The following FILIP1L variants were observed in gnomAD, a reference collection of about 807,000 sequenced individuals.
FILIP1L encodes filamin A interacting protein 1 like.
FILIP1L carries 55 observed loss-of-function variants against 96.6 expected under a neutral mutation model. The ratio of observed to expected loss-of-function variants is 0.57; its 90% CI spans 0.46 to 0.71. The LOEUF (loss-of-function observed/expected upper bound fraction) is 0.71. Ranked by LOEUF, FILIP1L falls within the 30% of genes least tolerant of loss-of-function variation. The pLI, the probability that FILIP1L is intolerant of heterozygous loss-of-function variation, is 0.00. For synonymous variants in FILIP1L, 467 were observed against 473.9 expected (o/e 0.99, Z 0.19); for missense variants, 1,304 against 1,321.2 (o/e 0.99, Z 0.20).
At chr3:99,944,928 C>G (rs1204600473) in intron 1 of FILIP1L, among the ~76,000 whole-genome samples, 2 of 152,212 alleles carry the variant, frequency 1.3e-5, no homozygotes, top group Non-Finnish European at 2.9e-5. Flanking sequence ...GATGAAGGCA[C>G]AGAGTGAATT....
chr3:100,093,071 A>G (rs757370067), intron 1 of FILIP1L, among the ~76,000 whole-genome samples: 4 of 152,106 alleles, frequency 2.6e-5, no homozygotes, highest in Non-Finnish European at 5.9e-5. Flanking sequence ...GAAATAGAAT[A>G]CAGAATGGAA....
At chr3:99,980,755 G>C (rs1019679205) in intron 1 of FILIP1L, among the ~76,000 whole-genome samples, 2 of 152,122 alleles carry the variant, frequency 1.3e-5, no homozygotes, top group Admixed American at 6.5e-5. Context: ...TATCCGTTCT[G>C]CATTATTATT....
chr3:99,944,428 G>C (rs1707946266), intron 1 of FILIP1L, among the ~76,000 whole-genome samples: 2 of 152,220 alleles, frequency 1.3e-5, no homozygotes, highest in East Asian at 1.9e-4. Context: ...TGTCACGTCT[G>C]TCTCTCCACC....
intron 1 of FILIP1L, among the ~76,000 whole-genome samples, chr3:100,037,218 G>A (rs1166583753): frequency 1.3e-5 from 2 of 151,762 alleles, no homozygotes; most frequent in Non-Finnish European, 2.9e-5. Context: ...TTTATTCTTA[G>A]GAAAATACAT....
chr3:99,939,250 C>T (rs1409939217), intron 1 of FILIP1L, among the ~76,000 whole-genome samples: 1 of 152,174 alleles, frequency 6.6e-6, no homozygotes, highest in Non-Finnish European at 1.5e-5. Flanking sequence ...TTGTTATATG[C>T]CTGTGAGTGT....
chr3:99,928,276 G>C (rs1301260106), intron 3 of FILIP1L, among the ~76,000 whole-genome samples: 1 of 152,172 alleles, frequency 6.6e-6, no homozygotes, highest in Non-Finnish European at 1.5e-5. Context: ...CCTAGACCGA[G>C]GAAAAGGATA....
chr3:99,919,130 G>C (rs1184375296), intron 4 of FILIP1L, among the ~76,000 whole-genome samples: 1 of 151,984 alleles, frequency 6.6e-6, no homozygotes, highest in Non-Finnish European at 1.5e-5. Context: ...TGAGATTTAA[G>C]ACCAAAGAAA....
intron 1 of FILIP1L, among the ~76,000 whole-genome samples, chr3:99,974,277 G>A (rs1708904318): frequency 6.6e-6 from 1 of 152,162 alleles, no homozygotes; most frequent in African/African-American, 2.4e-5. Context: ...TTCAAGCACG[G>A]GTTGATTTAT....
chr3:99,836,817 A>T (rs1328857128), intron 5 of FILIP1L, among the ~76,000 whole-genome samples: 1 of 152,196 alleles, frequency 6.6e-6, no homozygotes, highest in African/African-American at 2.4e-5. Context: ...TCTTCCAGTA[A>T]CCTGGCTGGC....
In FILIP1L at chr3:99,829,985, G is replaced by A. The variant is rs1309502552; in HGVS notation, c.*429C>T. Among the ~76,000 whole-genome samples the A allele has an allele frequency of 6.6e-6, 1 of 152,156 alleles. No individual in the cohort carries two copies. Among genetic ancestry groups the A allele is most frequent in the Non-Finnish European group, 1.5e-5 (1 of 68,024 alleles). On this transcript the variant is annotated 3_prime_UTR_variant, in exon 6 of 6. Transcript: ENST00000477258. ...CCTGTCATCTTGATGGAAATAATCT[G>A]ATTTTCTTGACTCAGATTAGGAATT... is the stretch of plus-strand genomic sequence containing the variant.
chr3:99,891,700 A>G (rs1243310689), intron 4 of FILIP1L, among the ~76,000 whole-genome samples: 2 of 152,198 alleles, frequency 1.3e-5, no homozygotes, highest in African/African-American at 4.8e-5. Context: ...TATGTCTAAA[A>G]GGAAATATTT....
At chr3:99,838,302 G>C (rs1488303292) in intron 5 of FILIP1L, among the ~76,000 whole-genome samples, 1 of 152,120 alleles carries the variant, frequency 6.6e-6, no homozygotes, top group Admixed American at 6.5e-5. Context: ...ATTATCTCTT[G>C]TCACCCTAAC....
chr3:99,919,299 A>G (rs570681245), intron 4 of FILIP1L, among the ~76,000 whole-genome samples: 1 of 151,578 alleles, frequency 6.6e-6, no homozygotes, highest in Non-Finnish European at 1.5e-5. Context: ...TGAACTCATA[A>G]TGCCTTAGAA....
intron 1 of FILIP1L, among the ~76,000 whole-genome samples, chr3:100,035,921 G>C (rs2065099747): frequency 6.6e-6 from 1 of 152,108 alleles, no homozygotes; most frequent in Admixed American, 6.6e-5. Flanking sequence ...TTTGAACTTT[G>C]TTGGGCTCTG....
intron 4 of FILIP1L, among the ~76,000 whole-genome samples, chr3:99,891,580 T>C (rs1384886578): frequency 6.6e-6 from 1 of 152,146 alleles, no homozygotes; most frequent in Non-Finnish European, 1.5e-5. Flanking sequence ...GTTTTTTTTG[T>C]TTGTTTTGTT....
At chr3:99,853,835 G>A (rs945255620) in intron 4 of FILIP1L, among the ~76,000 whole-genome samples, 7 of 152,078 alleles carry the variant, frequency 4.6e-5, no homozygotes, top group South Asian at 2.1e-4. Context: ...AAAGCCTGTC[G>A]GGAAGGTAAA....
Position 99,849,464 on chromosome 3 carries a change from G to A in FILIP1L, c.2212C>T (p.His738Tyr). 1.2e-6 allele frequency: 2 copies of A among 1,613,758 alleles called. No individual in the cohort carries two copies. The highest frequency in any genetic ancestry group is 1.7e-6 in the Non-Finnish European group (2 of 1,179,944). ...EYMATEDLIC[H>Y]LQGDHSVLQK... is the part of the protein sequence containing the mutation. ...AGGACTGAGTGATCTCCCTGGAGGT[G>A]ACATATTAGGTCTTCAGTTGCCATG... The change falls in exon 5 of 6, where the codon CAC (histidine) becomes TAC (tyrosine). Residue 738 changes from histidine to tyrosine, a missense_variant. Physicochemically the swap from His to Tyr is moderately conservative, Grantham distance 83. Coordinates refer to ENST00000477258, the MANE Select transcript of FILIP1L (RefSeq NM_001387850.1).
At chr3:100,053,231 T>C (rs1251918735) in intron 1 of FILIP1L, among the ~76,000 whole-genome samples, 2 of 152,182 alleles carry the variant, frequency 1.3e-5, no homozygotes, top group African/African-American at 4.8e-5. Flanking sequence ...CCATAACAGA[T>C]TACCACAAAT....
chr3:99,889,097 A>G (rs1706002827), intron 4 of FILIP1L, among the ~76,000 whole-genome samples: 1 of 152,162 alleles, frequency 6.6e-6, no homozygotes, highest in Admixed American at 6.5e-5. Flanking sequence ...CATGAAACTT[A>G]ACAGTTTTCT....
Sources: gnomAD v4.1 joint callset for allele counts (sites outside exome capture counted in the v4.1 genomes callset) on GRCh38, gnomAD v4.1.1 for gene constraint, MANE v1.5 for transcripts, NCBI Gene and HGNC (gene_info 2026-07-23, HGNC 2026-07-21) for gene names.